The following PRELID2 variants were observed in gnomAD, a reference collection of about 807,000 sequenced individuals.
The protein encoded by PRELID2 is PRELI domain containing 2, also known as PRELI domain-containing protein 2.
A neutral mutation model predicts 28.4 loss-of-function variants in PRELID2; 25 were observed. The ratio of observed to expected loss-of-function variants is 0.88; its 90% CI spans 0.64 to 1.23. PRELID2 has a LOEUF of 1.23. Ranked by LOEUF, PRELID2 falls within the 50% of genes most tolerant of loss-of-function variation. The pLI, the probability that PRELID2 is intolerant of heterozygous loss-of-function variation, is 0.00. For missense variants in PRELID2, 201 were observed against 214.4 expected, an observed-to-expected ratio of 0.94 and a Z score of 0.39; for synonymous variants, 76 against 71.6, an observed-to-expected ratio of 1.06 and a Z score of -0.31.
intron 2 of PRELID2, among the ~76,000 whole-genome samples, chr5:145,820,763 G>C (rs914417029): frequency 3.3e-5 from 5 of 152,100 alleles, no homozygotes; most frequent in African/African-American, 1.2e-4. Context: ...GAGCAGGAGT[G>C]AAAGTTTATT....
rs1325078731 is a variant in PRELID2, at chr5:145,759,581, TA to T, written c.*954del. 1 of 152,230 alleles carries T rather than the reference TA, an allele frequency of 6.6e-6. No homozygotes were observed. The highest frequency in any genetic ancestry group is 1.9e-4 in the East Asian group (1 of 5,204). 9.4% of individuals were successfully genotyped at this position (152,230 alleles called of 1,614,324 possible). A position where few individuals can be genotyped will look rare whatever the true frequency, so the allele number is the denominator to read the frequency against. ...AATCAGTCCAACAATCTCACAAAAT[TA>T]ATTCTATCATCTTGTTTCACAAATT... On this transcript the variant is annotated 3_prime_UTR_variant, in exon 7 of 7. Transcript: ENST00000683046.
the PRELID2 span, among the ~76,000 whole-genome samples, chr5:145,258,925 C>G: frequency 6.6e-6 from 1 of 152,120 alleles, no homozygotes; most frequent in Non-Finnish European, 1.5e-5. Context: ...TTTCTTGTAC[C>G]AGGCCCAGGG....
At chr5:145,770,624 A>G (rs1376214034) in intron 5 of PRELID2, among the ~76,000 whole-genome samples, 1 of 152,200 alleles carries the variant, frequency 6.6e-6, no homozygotes, top group African/African-American at 2.4e-5. Context: ...AGACTTTCCA[A>G]TGGGACAAGA....
chr5:145,398,513 C>T, the PRELID2 span, among the ~76,000 whole-genome samples: 1 of 152,042 alleles, frequency 6.6e-6, no homozygotes, highest in African/African-American at 2.4e-5. Flanking sequence ...ACCAGTTTTC[C>T]CCCAGTCTCT....
the PRELID2 span, among the ~76,000 whole-genome samples, chr5:145,365,548 C>T: frequency 7.2e-5 from 11 of 151,858 alleles, no homozygotes; most frequent in East Asian, 1.9e-3. Flanking sequence ...CTAATTTTGG[C>T]GTATGTACCT....
intron 1 of PRELID2, among the ~76,000 whole-genome samples, chr5:145,580,603 T>A (rs1272844155): frequency 1.3e-5 from 2 of 152,068 alleles, no homozygotes; most frequent in Non-Finnish European, 2.9e-5. Context: ...AGACTGTTAA[T>A]TCTGTAACCA....
At chr5:145,830,999 A>T (rs533567697) in intron 1 of PRELID2, among the ~76,000 whole-genome samples, 167 of 152,332 alleles carry the variant, frequency 1.1e-3, no homozygotes, top group Middle Eastern at 6.8e-3. Context: ...ATCAGATTAA[A>T]TGCTTCCCAG....
chr5:145,692,184 C>T (rs762013853), intron 1 of PRELID2, among the ~76,000 whole-genome samples: 3 of 152,060 alleles, frequency 2.0e-5, no homozygotes, highest in South Asian at 2.1e-4. Flanking sequence ...CTTTCTATGC[C>T]GGCATTTATA....
chr5:145,434,381 C>A, the PRELID2 span, among the ~76,000 whole-genome samples: 1 of 152,144 alleles, frequency 6.6e-6, no homozygotes, highest in Non-Finnish European at 1.5e-5. Context: ...GACCTGAGTA[C>A]TTTATGTTCA....
At chr5:145,370,827 C>T in the PRELID2 span, among the ~76,000 whole-genome samples, 1 of 151,968 alleles carries the variant, frequency 6.6e-6, no homozygotes, top group Non-Finnish European at 1.5e-5. Context: ...TGAAGAGGTC[C>T]TTCACATCTC....
At chr5:145,710,736 C>T (rs774631765) in intron 1 of PRELID2, among the ~76,000 whole-genome samples, 5 of 152,318 alleles carry the variant, frequency 3.3e-5, no homozygotes, top group Middle Eastern at 3.4e-3. Context: ...CTGAGGCTCA[C>T]GCCATTTCAT....
chr5:145,675,822 C>T (rs1581047713), intron 1 of PRELID2, among the ~76,000 whole-genome samples: 5 of 152,276 alleles, frequency 3.3e-5, no homozygotes, highest in Middle Eastern at 6.8e-3. Context: ...AAGGTACATC[C>T]ACACAATGAA....
At chr5:145,304,113 T>C in the PRELID2 span, among the ~76,000 whole-genome samples, 1 of 152,174 alleles carries the variant, frequency 6.6e-6, no homozygotes, top group African/African-American at 2.4e-5. Flanking sequence ...ATTTATATCG[T>C]TTATAAAATA....
chr5:145,753,339 T>G (rs1757175139), downstream of PRELID2, among the ~76,000 whole-genome samples: 2 of 152,244 alleles, frequency 1.3e-5, no homozygotes, highest in Non-Finnish European at 2.9e-5. Flanking sequence ...CTGGAGTTAC[T>G]GTGGGATCCT....
At chr5:145,353,468 A>AAAAG in the PRELID2 span, among the ~76,000 whole-genome samples, 6 of 151,872 alleles carry the variant, frequency 4.0e-5, no homozygotes, top group Non-Finnish European at 8.8e-5. Context: ...ATCTCAAAAA[A>AAAAG]AAAAGAAAAG....
At chr5:145,239,762 T>C in the PRELID2 span, among the ~76,000 whole-genome samples, 1 of 151,990 alleles carries the variant, frequency 6.6e-6, no homozygotes, top group African/African-American at 2.4e-5. Flanking sequence ...TCTGCCCTAC[T>C]CAAGTGGCCC....
the PRELID2 span, among the ~76,000 whole-genome samples, chr5:145,258,218 A>G: frequency 6.6e-6 from 1 of 152,232 alleles, no homozygotes. Flanking sequence ...GAACAGATTA[A>G]TACAGAAAAT....
At chr5:145,229,915 T>C in the PRELID2 span, 1 of 750,544 alleles carries the variant, frequency 1.3e-6, no homozygotes, top group Non-Finnish European at 2.5e-6. Flanking sequence ...GAGTCCCCAC[T>C]GTCTCTCTAC....
At chr5:145,474,291 T>C (rs1478074691) in intron 1 of PRELID2, among the ~76,000 whole-genome samples, 5 of 152,212 alleles carry the variant, frequency 3.3e-5, no homozygotes, top group African/African-American at 1.2e-4. Context: ...CTTACAGTGT[T>C]CTCATGGCCT....
Sources: gnomAD v4.1 joint callset for allele counts (sites outside exome capture counted in the v4.1 genomes callset) on GRCh38, gnomAD v4.1.1 for gene constraint, MANE v1.5 for transcripts, NCBI Gene and HGNC (gene_info 2026-07-23, HGNC 2026-07-21) for gene names.